NKAIN2: variants seen among roughly 807,000 people sequenced by gnomAD.
The protein encoded by NKAIN2 is sodium/potassium transporting ATPase interacting 2.
NKAIN2 carries 14 observed loss-of-function variants against 32.6 expected under a neutral mutation model. That is an observed-to-expected ratio of 0.43 (90% CI 0.28 to 0.67). NKAIN2 has a LOEUF of 0.67. NKAIN2 is among the 30% of genes least tolerant of loss of function. The pLI is 0.17. For synonymous variants in NKAIN2, 80 were observed against 87.2 expected (o/e 0.92, Z 0.46); for missense variants, 198 against 258.3 (o/e 0.77, Z 1.60).
intron 1 of NKAIN2, among the ~76,000 whole-genome samples, chr6:124,114,211 G>A (rs1047120076): frequency 6.6e-6 from 1 of 152,108 alleles, no homozygotes; most frequent in African/African-American, 2.4e-5. Flanking sequence ...AAATTTTAAT[G>A]AGGTCTTAAT....
At chr6:124,278,664 T>TAA (rs1795153030) in intron 1 of NKAIN2, among the ~76,000 whole-genome samples, 1 of 117,128 alleles carries the variant, frequency 8.5e-6, no homozygotes, top group South Asian at 2.6e-4. Flanking sequence ...TATATATATA[T>TAA]ATATATATAT....
chr6:123,974,875 A>G (rs937943577), intron 1 of NKAIN2, among the ~76,000 whole-genome samples: 9 of 152,200 alleles, frequency 5.9e-5, no homozygotes, highest in African/African-American at 2.2e-4. Flanking sequence ...CTTGCTCCAC[A>G]GAGAGTGCGT....
intron 1 of NKAIN2, among the ~76,000 whole-genome samples, chr6:123,918,349 GAGGAA>G (rs796970496): frequency 5.3e-5 from 8 of 152,272 alleles, no homozygotes; most frequent in African/African-American, 1.9e-4. Flanking sequence ...CACAAAAATT[GAGGAA>G]ATACTCTCTT....
In NKAIN2 at chr6:124,016,822, A is replaced by G. The variant is rs912284313; in HGVS notation, c.54+212568A>G. 2.6e-5 allele frequency among the ~76,000 whole-genome samples: 4 copies of G among 151,952 alleles called. No homozygotes were observed. In the East Asian group the frequency reaches 7.9e-4, roughly 30 times the overall value. On this transcript the variant is annotated intron_variant, in intron 1 of 6. Coordinates refer to ENST00000368417, the MANE Select transcript of NKAIN2 (RefSeq NM_001040214.3). ...AAAAAAAATCCAGAGCTTAGAGTTGAATTAGTTTGCCCGCCTAAGGTATGT... is the reference window on the plus strand; with the variant it reads ...AAAAAAAATCCAGAGCTTAGAGTTGGATTAGTTTGCCCGCCTAAGGTATGT...
At chr6:124,761,430 A>C (rs901458574) in intron 4 of NKAIN2, among the ~76,000 whole-genome samples, 2 of 152,170 alleles carry the variant, frequency 1.3e-5, no homozygotes, top group African/African-American at 4.8e-5. Context: ...AGGATGAGAA[A>C]GATGCCACTC....
intron 3 of NKAIN2, among the ~76,000 whole-genome samples, chr6:124,656,273 T>C (rs1784536244): frequency 1.3e-5 from 2 of 152,194 alleles, no homozygotes; most frequent in Non-Finnish European, 2.9e-5. Context: ...GTCACTATAG[T>C]TTCCAAAGAA....
rs147152869 is a variant in NKAIN2, at chr6:123,917,971, T to C, written c.54+113717T>C. On this transcript the variant is annotated intron_variant, in intron 1 of 6. Transcript: ENST00000368417. ...GTTAAACATAGCCACCGTTGTTAAA[T>C]ATGAAATTATATAAACTTGTAATTA... Among the ~76,000 whole-genome samples, 707 of 152,290 alleles carry C rather than the reference T, an allele frequency of 4.6e-3. 3 individuals are homozygous for C. Among genetic ancestry groups the C allele is most frequent in the African/African-American group, 0.016 (677 of 41,566 alleles).
chr6:123,860,493 C>T (rs939127838), intron 1 of NKAIN2, among the ~76,000 whole-genome samples: 2 of 152,126 alleles, frequency 1.3e-5, no homozygotes, highest in African/African-American at 4.8e-5. Context: ...TCACTGCAGT[C>T]TCAACCTCCT....
At chr6:124,082,173 G>A (rs1191880924) in intron 1 of NKAIN2, among the ~76,000 whole-genome samples, 2 of 152,042 alleles carry the variant, frequency 1.3e-5, no homozygotes, top group Non-Finnish European at 1.5e-5. Flanking sequence ...GACCTGAGCT[G>A]AGTTTTGGAC....
chr6:124,412,647 C>T (rs1427201013), intron 3 of NKAIN2, among the ~76,000 whole-genome samples: 2 of 152,268 alleles, frequency 1.3e-5, no homozygotes, highest in African/African-American at 4.8e-5. Context: ...AGGCAGTCTG[C>T]CCATTCTCAG....
chr6:124,696,452 C>T (rs540917204), intron 4 of NKAIN2, among the ~76,000 whole-genome samples: 8 of 152,206 alleles, frequency 5.3e-5, no homozygotes, highest in Non-Finnish European at 1.2e-4. Flanking sequence ...TTTCTCCCTG[C>T]CGCAAGCCAC....
chr6:124,092,522 G>C (rs1201993768), intron 1 of NKAIN2, among the ~76,000 whole-genome samples: 1 of 151,812 alleles, frequency 6.6e-6, no homozygotes, highest in Non-Finnish European at 1.5e-5. Flanking sequence ...TCCTTTGTGG[G>C]GCACTAGATG....
chr6:124,102,208 A>T (rs1472098987), intron 1 of NKAIN2, among the ~76,000 whole-genome samples: 1 of 152,192 alleles, frequency 6.6e-6, no homozygotes, highest in Non-Finnish European at 1.5e-5. Context: ...TGCGGGGACC[A>T]CTGCCCCTTC....
At chr6:124,706,109 G>T (rs1226343418) in intron 4 of NKAIN2, among the ~76,000 whole-genome samples, 1 of 152,042 alleles carries the variant, frequency 6.6e-6, no homozygotes. Flanking sequence ...ACCACATTTG[G>T]TTTTTCCATT....
intron 1 of NKAIN2, among the ~76,000 whole-genome samples, chr6:123,943,439 T>C (rs999949120): frequency 6.6e-6 from 1 of 152,042 alleles, no homozygotes; most frequent in Non-Finnish European, 1.5e-5. Flanking sequence ...TCTTTAAGAA[T>C]CCTAGTATTC....
chr6:124,179,962 T>C (rs1351730020), intron 1 of NKAIN2, among the ~76,000 whole-genome samples: 1 of 152,304 alleles, frequency 6.6e-6, no homozygotes, highest in Admixed American at 6.5e-5. Context: ...AGCAAGAGAT[T>C]TAGATATTGC....
At chr6:124,160,559 T>C (rs1788221012) in intron 1 of NKAIN2, among the ~76,000 whole-genome samples, 1 of 152,182 alleles carries the variant, frequency 6.6e-6, no homozygotes, top group African/African-American at 2.4e-5. Context: ...ATGTTTTGCA[T>C]ATATTCAGCT....
chr6:124,496,531 A>C lies in NKAIN2; in HGVS notation c.273+141184A>C, dbSNP rs1214892909. On this transcript the variant is annotated intron_variant, in intron 3 of 6. Transcript: ENST00000368417. ...AGTGCTTCAGTGTGCTGTAGATCAC[A>C]TGGGAGAATTTATCAAAACATGTGA... Among the ~76,000 whole-genome samples, 5 of 152,204 alleles carry C rather than the reference A, an allele frequency of 3.3e-5. No homozygotes were observed. In the East Asian group the frequency reaches 7.8e-4, roughly 24 times the overall value.
intron 3 of NKAIN2, among the ~76,000 whole-genome samples, chr6:124,409,679 G>T (rs1774058926): frequency 6.6e-6 from 1 of 152,168 alleles, no homozygotes; most frequent in South Asian, 2.1e-4. Flanking sequence ...TCTCTGCTAG[G>T]CTTTGGTATC....
Sources: allele counts gnomAD v4.1 joint callset (sites outside exome capture counted in the v4.1 genomes callset), GRCh38; gene constraint gnomAD v4.1.1; transcripts MANE v1.5; gene names NCBI Gene and HGNC (gene_info 2026-07-23, HGNC 2026-07-21).